TRPM6: variants seen among roughly 807,000 people sequenced by gnomAD.
The protein encoded by TRPM6 is transient receptor potential cation channel subfamily M member 6.
TRPM6 carries 111 observed loss-of-function variants against 247.6 expected under a neutral mutation model. The ratio of observed to expected loss-of-function variants is 0.45; its 90% CI spans 0.38 to 0.52. TRPM6 has a LOEUF of 0.52. TRPM6 is among the 20% of genes least tolerant of loss of function. TRPM6 has a pLI of 0.00. For missense variants in TRPM6, 2,126 were observed against 2,421.5 expected, an observed-to-expected ratio of 0.88 and a Z score of 2.56; for synonymous variants, 892 against 853.8, an observed-to-expected ratio of 1.04 and a Z score of -0.78.
chr9:74,798,123 T>A (rs1389161655), intron 17 of TRPM6, among the ~76,000 whole-genome samples: 1 of 152,196 alleles, frequency 6.6e-6, no homozygotes, highest in African/African-American at 2.4e-5. Context: ...TGCTCTGATA[T>A]CAACTTGATG....
intron 12 of TRPM6, 46 bp downstream of exon 12, chr9:74,812,253 T>C (rs1200857819): frequency 1.2e-6 from 2 of 1,611,222 alleles, no homozygotes; most frequent in Admixed American, 3.3e-5. Flanking sequence ...ATCCTTGCTC[T>C]TCTTGAATCT....
intron 28 of TRPM6, among the ~76,000 whole-genome samples, chr9:74,753,282 G>T (rs1321635201): frequency 6.6e-6 from 1 of 151,916 alleles, no homozygotes; most frequent in Non-Finnish European, 1.5e-5. Flanking sequence ...TACTTGGTTG[G>T]ATTAATTCTG....
At chr9:74,884,245 C>T (rs916671357) in intron 1 of TRPM6, among the ~76,000 whole-genome samples, 3 of 152,110 alleles carry the variant, frequency 2.0e-5, no homozygotes, top group Non-Finnish European at 4.4e-5. Context: ...AATCCCAGCA[C>T]TCTGGGAGGC....
chr9:74,804,340 C>T, intron 14 of TRPM6: 1 of 436,864 alleles, frequency 2.3e-6, no homozygotes, highest in Non-Finnish European at 4.2e-6. Context: ...TATAATATCT[C>T]CACTGGAACT....
intron 23 of TRPM6, among the ~76,000 whole-genome samples, chr9:74,779,938 C>A (rs1452323963): frequency 6.6e-6 from 1 of 152,064 alleles, no homozygotes; most frequent in Non-Finnish European, 1.5e-5. Context: ...CTTTGGGAGG[C>A]CAAGGTGGGC....
chr9:74,886,393 A>G (rs1460916887), intron 1 of TRPM6, among the ~76,000 whole-genome samples: 1 of 152,264 alleles, frequency 6.6e-6, no homozygotes, highest in East Asian at 1.9e-4. Flanking sequence ...TACAGGGGGA[A>G]AGAAATTGAA....
At chr9:74,785,715 G>A (rs550450877) in intron 21 of TRPM6, among the ~76,000 whole-genome samples, 159 bp downstream of exon 21, 14 of 152,130 alleles carry the variant, frequency 9.2e-5, no homozygotes, top group South Asian at 6.2e-4. Flanking sequence ...AGTAGAGACG[G>A]GGTTTCACCC....
chr9:74,724,444 A>G lies in TRPM6; in HGVS notation c.*169T>C, dbSNP rs1825247116. On this transcript the variant is annotated 3_prime_UTR_variant, in exon 39 of 39. Transcript: ENST00000360774. Reference sequence around the variant, plus strand: ...CTGGACAGAGGTCAGTGTCTAGGAGAACCCATTGATCATATACCAATGAGG... The same window carrying G: ...CTGGACAGAGGTCAGTGTCTAGGAGGACCCATTGATCATATACCAATGAGG... 1 of 907,038 alleles carries G rather than the reference A, an allele frequency of 1.1e-6. No individual in the cohort carries two copies. The allele number at this position is 907,038 out of a possible 1,614,324, so 56.2% of individuals were successfully genotyped here. A position where few individuals can be genotyped will look rare whatever the true frequency, so the allele number is the denominator to read the frequency against.
At chr9:74,742,338 C>T (rs1701050864) in intron 33 of TRPM6, among the ~76,000 whole-genome samples, 1 of 152,214 alleles carries the variant, frequency 6.6e-6, no homozygotes, top group Admixed American at 6.5e-5. Flanking sequence ...TTCCCAACTG[C>T]TGCTCATTAT....
chr9:74,840,256 T>G lies in TRPM6; in HGVS notation c.331-19A>C. 1 of 1,553,598 alleles carries G rather than the reference T, an allele frequency of 6.4e-7. No homozygotes were observed. Among genetic ancestry groups the G allele is most frequent in the Non-Finnish European group, 8.9e-7 (1 of 1,126,222 alleles). On this transcript the variant is annotated intron_variant, in intron 4 of 38. Coordinates refer to ENST00000360774, the MANE Select transcript of TRPM6 (RefSeq NM_017662.5). ...TAATATACTGCAAGAAAAGCACATGTAGGTGAACAGAACATTGTAAAAAAG... is the reference window on the plus strand; with the variant it reads ...TAATATACTGCAAGAAAAGCACATGGAGGTGAACAGAACATTGTAAAAAAG...
intron 13 of TRPM6, among the ~76,000 whole-genome samples, chr9:74,810,349 G>A (rs928804052): frequency 1.3e-5 from 2 of 152,076 alleles, no homozygotes; most frequent in African/African-American, 4.8e-5. Flanking sequence ...AACAGGGAGG[G>A]GAACCACCTG....
At chr9:74,878,229 C>A (rs1831251309) in intron 1 of TRPM6, among the ~76,000 whole-genome samples, 1 of 152,122 alleles carries the variant, frequency 6.6e-6, no homozygotes, top group Admixed American at 6.6e-5. Context: ...ACACCACACC[C>A]ACTGTCCAGG....
intron 1 of TRPM6, among the ~76,000 whole-genome samples, chr9:74,876,561 A>G (rs1198881101): frequency 6.6e-6 from 1 of 152,238 alleles, no homozygotes; most frequent in African/African-American, 2.4e-5. Flanking sequence ...ACAACAGCTC[A>G]TAAAAGTGAC....
In TRPM6 at chr9:74,887,294, G is replaced by A. The variant is rs926655493; in HGVS notation, c.33+530C>T. The stretch of plus-strand genomic sequence containing the variant: ...GGGAACACTGGGCGCACGGGGACGC[G>A]CAGGGGCGCGGAGGGACGGCCGTCT... On this transcript the variant is annotated intron_variant, in intron 1 of 38. Coordinates refer to ENST00000360774, the MANE Select transcript of TRPM6 (RefSeq NM_017662.5). 5.9e-6 allele frequency: 8 copies of A among 1,360,118 alleles called. No individual in the cohort carries two copies. The African/African-American group carries it at 1.2e-4, about 20-fold the overall frequency. 84.3% of individuals were successfully genotyped at this position (1,360,118 alleles called of 1,614,324 possible). A position where few individuals can be genotyped will look rare whatever the true frequency, so the allele number is the denominator to read the frequency against.
At chr9:74,776,399 A>G (rs950888659) in intron 23 of TRPM6, among the ~76,000 whole-genome samples, 2 of 152,142 alleles carry the variant, frequency 1.3e-5, no homozygotes, top group East Asian at 1.9e-4. Context: ...CTCTTCTCAC[A>G]TAAGAAGCTC....
In TRPM6 at chr9:74,800,367, TAAGGCAGGTCGAA is replaced by T; in HGVS notation, c.2112_2124del (p.Asn704LysfsTer22). The T allele has an allele frequency of 1.2e-6, 2 of 1,614,098 alleles. No homozygotes were observed. The highest frequency in any genetic ancestry group is 1.7e-6 in the Non-Finnish European group (2 of 1,180,004). ...CGTAATCCTCCCGACACGGCCAGTT[TAAGGCAGGTCGAA>T]TTGCTCCAGTTCCTGAGTTCATACG... On this transcript the variant is annotated frameshift_variant, in exon 17 of 39. Coordinates refer to ENST00000360774, the MANE Select transcript of TRPM6 (RefSeq NM_017662.5). LOFTEE classifies it high-confidence loss of function.
At chr9:74,810,957 G>A (rs1828710023) in intron 12 of TRPM6, 89 bp from the exon 13 acceptor site, 8 of 993,064 alleles carry the variant, frequency 8.1e-6, no homozygotes, top group East Asian at 2.4e-5. Flanking sequence ...ATAAGTAACT[G>A]AGAATACTGA....
At chr9:74,798,474 A>T (rs1828181486) in intron 17 of TRPM6, among the ~76,000 whole-genome samples, 1 of 152,124 alleles carries the variant, frequency 6.6e-6, no homozygotes. Flanking sequence ...GTACTAATTA[A>T]TCTCTAGACA....
At chr9:74,796,700 C>G in intron 18 of TRPM6, 41 bp downstream of exon 18, 1 of 1,603,028 alleles carries the variant, frequency 6.2e-7, no homozygotes, top group Non-Finnish European at 8.5e-7. Context: ...TGCGTGCAGT[C>G]AATACAATGA....
Sources: allele counts gnomAD v4.1 joint callset (sites outside exome capture counted in the v4.1 genomes callset), GRCh38; gene constraint gnomAD v4.1.1; transcripts MANE v1.5; gene names NCBI Gene and HGNC (gene_info 2026-07-23, HGNC 2026-07-21).